Variants in CORO2A observed in about 807,000 individuals in gnomAD.
CORO2A encodes the protein coronin 2A, also known as coronin-2A.
A neutral mutation model predicts 62.4 loss-of-function variants in CORO2A; 47 were observed. The ratio of observed to expected loss-of-function variants is 0.75; its 90% CI spans 0.60 to 0.96. The LOEUF is 0.96. CORO2A is among the 40% of genes least tolerant of loss of function. The pLI is 0.00. For missense variants in CORO2A, 610 were observed against 684.1 expected (o/e 0.89, Z 1.21); for synonymous variants, 273 against 268.9 (o/e 1.02, Z -0.15).
chr9:98,153,649 A>AACACACACAC lies in CORO2A; in HGVS notation c.201+3801_201+3810dup, dbSNP rs55685018. The stretch of plus-strand genomic sequence containing the variant: ...TATGTCTGTAACTTCTCTGTTTCCA[A>AACACACACAC]ACACACACACACACACACACACACA... On this transcript the variant is annotated intron_variant, in intron 2 of 11. Coordinates refer to ENST00000375077, the MANE Select transcript of CORO2A (RefSeq NM_052820.4). Among the ~76,000 whole-genome samples the AACACACACAC allele has an allele frequency of 4.4e-3, 583 of 133,964 alleles. 5 individuals carry two copies. The highest frequency in any genetic ancestry group is 0.01 in the African/African-American group (367 of 35,860). The allele number at this position is 133,964 out of a possible 152,430, so 87.9% of individuals were successfully genotyped here. A position where few individuals can be genotyped will look rare whatever the true frequency, so the allele number is the denominator to read the frequency against.
intron 2 of CORO2A, among the ~76,000 whole-genome samples, chr9:98,148,394 CAA>C (rs34087370): frequency 0.021 from 2,210 of 103,994 alleles, 55 homozygotes; most frequent in African/African-American, 0.076. Context: ...GACTCCATCT[CAA>C]AAAAAAAAAA....
At chr9:98,190,262 G>A (rs908967519) in intron 1 of CORO2A, among the ~76,000 whole-genome samples, 2 of 152,180 alleles carry the variant, frequency 1.3e-5, no homozygotes, top group Admixed American at 1.3e-4. Context: ...AGTCCCCAAA[G>A]TAGCCGGCTA....
chr9:98,136,891 T>C (rs1225322227), intron 3 of CORO2A, among the ~76,000 whole-genome samples: 4 of 152,246 alleles, frequency 2.6e-5, no homozygotes, highest in South Asian at 2.1e-4. Flanking sequence ...TCTCACTATG[T>C]TGCCTAGGTT....
At chr9:98,170,824 A>G (rs1172395301) in intron 1 of CORO2A, among the ~76,000 whole-genome samples, 1 of 152,032 alleles carries the variant, frequency 6.6e-6, no homozygotes, top group Non-Finnish European at 1.5e-5. Context: ...GTTTCTATCC[A>G]TATAATAGTA....
rs771450078 is a variant in CORO2A, at chr9:98,137,653, G to A, written c.237C>T (p.Cys79=). The change falls in exon 3 of 12, where the codon TGC becomes TGT. Residue 79 remains cysteine, a synonymous_variant. Coordinates refer to ENST00000375077, the MANE Select transcript of CORO2A (RefSeq NM_052820.4). ...CATCCAAAACGTTGCCTCTGTGCCC[G>A]CAGACTTTTGGGTAGTGGGGGTCCA... is the stretch of plus-strand genomic sequence containing the variant. ...GKLDPHYPKV[C]GHRGNVLDVK... The A allele has an allele frequency of 2.9e-5, 47 of 1,614,056 alleles. No individual in the cohort carries two copies. The highest frequency in any genetic ancestry group is 3.5e-5 in the Non-Finnish European group (41 of 1,180,036).
At chr9:98,171,229 G>GC (rs940293010) in intron 1 of CORO2A, among the ~76,000 whole-genome samples, 1 of 152,220 alleles carries the variant, frequency 6.6e-6, no homozygotes, top group Non-Finnish European at 1.5e-5. Flanking sequence ...CAGAGAGGAA[G>GC]CGCGCCTTGC....
intron 1 of CORO2A, among the ~76,000 whole-genome samples, chr9:98,177,572 T>C (rs903662534): frequency 5.3e-5 from 8 of 149,732 alleles, no homozygotes; most frequent in African/African-American, 2.0e-4. Flanking sequence ...ATTCAAGCGA[T>C]TCTCCTGCTT....
At chr9:98,137,845 G>A (rs1230812205) in intron 2 of CORO2A, among the ~76,000 whole-genome samples, 157 bp from the exon 3 acceptor site, 2 of 152,148 alleles carry the variant, frequency 1.3e-5, no homozygotes, top group African/African-American at 4.8e-5. Flanking sequence ...TGGGATCCTG[G>A]GGGAGTTACT....
At chr9:98,170,921 G>A (rs1036473331) in intron 1 of CORO2A, among the ~76,000 whole-genome samples, 6 of 152,324 alleles carry the variant, frequency 3.9e-5, no homozygotes, top group South Asian at 2.1e-4. Flanking sequence ...CCACAAGGGC[G>A]ACAGAGCTGT....
chr9:98,125,883 A>G (rs374402648), intron 11 of CORO2A, among the ~76,000 whole-genome samples: 11 of 151,064 alleles, frequency 7.3e-5, no homozygotes, highest in East Asian at 5.8e-4. Flanking sequence ...ATACCCAGCT[A>G]ATTTTTGTAT....
At position 98,129,860 on chromosome 9, in the gene CORO2A, T is replaced by C; in HGVS notation, c.901A>G (p.Ser301Gly). The change falls in exon 8 of 12, where the codon AGC becomes GGC. Residue 301 changes from serine to glycine, a missense_variant. Transcript: ENST00000375077. ...GDGNIRYYEV[S>G]ADKPHLSYLT... ...TAGCTCAGGTGAGGCTTGTCGGCGC[T>C]CACCTCGTAGTAGCGGATGTTGCCA... is the stretch of plus-strand genomic sequence containing the variant. 2 of 1,614,018 alleles carry C rather than the reference T, an allele frequency of 1.2e-6. No individual in the cohort carries two copies. Among genetic ancestry groups the C allele is most frequent in the South Asian group, 2.2e-5 (2 of 91,084 alleles).
intron 2 of CORO2A, among the ~76,000 whole-genome samples, chr9:98,144,510 A>G (rs1483411801): frequency 6.6e-6 from 1 of 152,230 alleles, no homozygotes; most frequent in East Asian, 1.9e-4. Context: ...GACTGCATGC[A>G]GGTGATGGCA....
At position 98,133,037 on chromosome 9, in the gene CORO2A, C is replaced by G; in HGVS notation, c.648+1G>C. 1 of 1,614,104 alleles carries G rather than the reference C, an allele frequency of 6.2e-7. No homozygotes were observed. The highest frequency in any genetic ancestry group is 8.5e-7 in the Non-Finnish European group (1 of 1,179,956). Reference sequence around the variant, plus strand: ...GAGCCAGCCCCTGGCCCAGAACTGACCTGGAGGACGGTCCCTGCTCGGGGG... The same window carrying G: ...GAGCCAGCCCCTGGCCCAGAACTGAGCTGGAGGACGGTCCCTGCTCGGGGG... On this transcript the variant is annotated splice_donor_variant, in intron 5 of 11. Coordinates refer to ENST00000375077, the MANE Select transcript of CORO2A (RefSeq NM_052820.4). LOFTEE classifies it high-confidence loss of function.
rs564380129 is a variant in CORO2A at position 98,186,674 on chromosome 9, C to G, written c.-1+5885G>C. 3.9e-5 allele frequency among the ~76,000 whole-genome samples: 6 copies of G among 152,032 alleles called. No homozygotes were observed. In the South Asian group the frequency reaches 1.0e-3, roughly 26 times the overall value. ...AGATATCATTTACATATAATATATC[C>G]ATTTTAAAACGGGAGAAATAATAAC... On this transcript the variant is annotated intron_variant, in intron 1 of 11. Coordinates refer to ENST00000375077, the MANE Select transcript of CORO2A (RefSeq NM_052820.4).
rs1018373879 is a variant in CORO2A at position 98,179,034 on chromosome 9, G to A, written c.-1+13525C>T. 7.2e-5 allele frequency among the ~76,000 whole-genome samples: 11 copies of A among 152,114 alleles called. 1 individual carries two copies. In the South Asian group the frequency reaches 1.7e-3, roughly 23 times the overall value. Reference sequence around the variant, plus strand: ...AGTGGTCACAGTCTAGCTCTTTACCGGTCCTTTTACTTTACTGGTCCTTTT... The same window carrying A: ...AGTGGTCACAGTCTAGCTCTTTACCAGTCCTTTTACTTTACTGGTCCTTTT... On this transcript the variant is annotated intron_variant, in intron 1 of 11. Transcript: ENST00000375077.
chr9:98,157,369 G>T, intron 2 of CORO2A, 91 bp downstream of exon 2: 1 of 1,233,910 alleles, frequency 8.1e-7, no homozygotes, highest in Non-Finnish European at 1.2e-6. Flanking sequence ...AATGGGCAGG[G>T]CTAGGACTTT....
chr9:98,164,882 C>T lies in CORO2A; in HGVS notation c.1-7222G>A, dbSNP rs572679724. 1.2e-3 allele frequency among the ~76,000 whole-genome samples: 181 copies of T among 152,190 alleles called. 1 individual carries two copies. Among genetic ancestry groups the T allele is most frequent in the Admixed American group, 3.4e-3 (52 of 15,282 alleles). ...GGTTCCAGGGAGGCAGGACTTACAG[C>T]GCTAAACTGGGGGAAGTCTTACTTA... is the stretch of plus-strand genomic sequence containing the variant. On this transcript the variant is annotated intron_variant, in intron 1 of 11. Transcript: ENST00000375077.
Position 98,122,346 on chromosome 9 carries a change from T to G in CORO2A, c.*2428A>C, listed in dbSNP as rs534080043. Reference sequence around the variant, plus strand: ...CTGGAATGTGGCATGGGCATCTGTATTTCCTGCACGCTCCCAAGGGAATTC... The same window carrying G: ...CTGGAATGTGGCATGGGCATCTGTAGTTCCTGCACGCTCCCAAGGGAATTC... On this transcript the variant is annotated 3_prime_UTR_variant, in exon 12 of 12. Transcript: ENST00000375077. 6.6e-6 allele frequency: 1 copy of G among 152,376 alleles called. No homozygotes were observed. The highest frequency in any genetic ancestry group is 2.1e-4 in the South Asian group (1 of 4,830). The allele number at this position is 152,376 out of a possible 1,614,324, so 9.4% of individuals were successfully genotyped here.
At chr9:98,161,093 T>C (rs1396728696) in intron 1 of CORO2A, among the ~76,000 whole-genome samples, 1 of 152,164 alleles carries the variant, frequency 6.6e-6, no homozygotes, top group Non-Finnish European at 1.5e-5. Context: ...GGGTTATTTG[T>C]CATGGAGGAC....
Sources: gnomAD v4.1 joint callset for allele counts (sites outside exome capture counted in the v4.1 genomes callset) on GRCh38, gnomAD v4.1.1 for gene constraint, MANE v1.5 for transcripts, NCBI Gene and HGNC (gene_info 2026-07-23, HGNC 2026-07-21) for gene names.